Variants in DTX4 observed in about 807,000 individuals in gnomAD.
DTX4 encodes the protein deltex E3 ubiquitin ligase 4.
Under a neutral mutation model 57.6 loss-of-function variants are expected in DTX4, and 28 were observed. The ratio of observed to expected loss-of-function variants is 0.49; its 90% CI spans 0.36 to 0.67. DTX4 has a LOEUF of 0.67. DTX4 is among the 30% of genes least tolerant of loss of function. DTX4 has a pLI of 0.00. For missense variants in DTX4, 715 were observed against 836.8 expected, an observed-to-expected ratio of 0.85 and a Z score of 1.80; for synonymous variants, 316 against 331.0, an observed-to-expected ratio of 0.95 and a Z score of 0.49.
At chr11:59,178,991 T>A (rs528319374) in intron 1 of DTX4, among the ~76,000 whole-genome samples, 51 of 151,982 alleles carry the variant, frequency 3.4e-4, no homozygotes, top group Admixed American at 7.9e-4. Flanking sequence ...TGGCATAGTT[T>A]CCAGAAGTTC....
At chr11:59,189,447 TA>T (rs1324624896) in intron 4 of DTX4, 124 bp downstream of exon 4, 1 of 916,952 alleles carries the variant, frequency 1.1e-6, no homozygotes, top group Non-Finnish European at 1.6e-6. Flanking sequence ...TCTGCATCTG[TA>T]AGTGGGCCTA....
Position 59,181,837 on chromosome 11 carries a change from C to T in DTX4, c.310C>T (p.Pro104Ser), listed in dbSNP as rs1361413978. 1 of 1,613,952 alleles carries T rather than the reference C, an allele frequency of 6.2e-7. No homozygotes were observed. The highest frequency in any genetic ancestry group is 1.1e-5 in the South Asian group (1 of 91,072). The change falls in exon 2 of 9, where the codon CCC (proline) becomes TCC (serine). Residue 104 changes from proline (P) to serine (S), a missense_variant. Pro to Ser is a moderately conservative substitution (Grantham distance 74). Coordinates refer to ENST00000227451, the MANE Select transcript of DTX4 (RefSeq NM_015177.2). ...GGAGAACGACAATGGCTCCTGGACG[C>T]CCTACGACATGGAAGTGGGCATCAC... ...EWENDNGSWT[P>S]YDMEVGITIQ...
chr11:59,181,653 T>C (rs1862462818), intron 1 of DTX4, 86 bp from the exon 2 acceptor site: 2 of 1,511,152 alleles, frequency 1.3e-6, no homozygotes, highest in Non-Finnish European at 1.8e-6. Context: ...TGTTTGCCAT[T>C]ATGGCAATGG....
chr11:59,189,412 C>T (rs951573361), intron 4 of DTX4, 89 bp downstream of exon 4: 70 of 1,296,458 alleles, frequency 5.4e-5, no homozygotes, highest in Middle Eastern at 2.2e-4. Context: ...GTCATAGCCA[C>T]GGCTTCACCC....
chr11:59,205,712 G>A lies in DTX4; in HGVS notation c.*803G>A, dbSNP rs1346464148. ...CCACTGAGCATCTGAACTGTCCTCAGGGAGAGGAGCCCACAGCCTTCTTCC... is the reference window on the plus strand; with the variant it reads ...CCACTGAGCATCTGAACTGTCCTCAAGGAGAGGAGCCCACAGCCTTCTTCC... On this transcript the variant is annotated 3_prime_UTR_variant, in exon 9 of 9. Coordinates refer to ENST00000227451, the MANE Select transcript of DTX4 (RefSeq NM_015177.2). 1 of 152,754 alleles carries A rather than the reference G, an allele frequency of 6.5e-6. No homozygotes were observed. Among genetic ancestry groups the A allele is most frequent in the Non-Finnish European group, 1.5e-5 (1 of 68,116 alleles). 9.5% of individuals were successfully genotyped at this position (152,754 alleles called of 1,614,324 possible).
At position 59,207,921 on chromosome 11, in the gene DTX4, A is replaced by C. The variant is rs1040528477; in HGVS notation, c.*3012A>C. The C allele has an allele frequency of 6.6e-6, 1 of 152,070 alleles. No homozygotes were observed. Among genetic ancestry groups the C allele is most frequent in the Admixed American group, 6.6e-5 (1 of 15,224 alleles). 9.4% of individuals were successfully genotyped at this position (152,070 alleles called of 1,614,324 possible). A position where few individuals can be genotyped will look rare whatever the true frequency, so the allele number is the denominator to read the frequency against. On this transcript the variant is annotated 3_prime_UTR_variant, in exon 9 of 9. Transcript: ENST00000227451. Reference sequence around the variant, plus strand: ...TCAAAAGTACTCGTCTTGGTATTGCACTGTTGTGTGCATGAGAAAACTGGG... The same window carrying C: ...TCAAAAGTACTCGTCTTGGTATTGCCCTGTTGTGTGCATGAGAAAACTGGG...
In DTX4 at chr11:59,172,340, A is replaced by T. The variant is rs1301696587; in HGVS notation, c.-256A>T. 6.6e-6 allele frequency among the ~76,000 whole-genome samples: 1 copy of T among 151,622 alleles called. No homozygotes were observed. The highest frequency in any genetic ancestry group is 1.5e-5 in the Non-Finnish European group (1 of 67,788). The stretch of plus-strand genomic sequence containing the variant: ...TGCATGAAGCGACTCGACCCCACAG[A>T]GCAGCGGCAGCAGCAGCGGACCCCG... On this transcript the variant is annotated 5_prime_UTR_variant, in exon 1 of 9. Coordinates refer to ENST00000227451, the MANE Select transcript of DTX4 (RefSeq NM_015177.2).
Position 59,182,069 on chromosome 11 carries a change from C to A in DTX4, c.542C>A (p.Ala181Asp). The change falls in exon 2 of 9, where the codon GCC becomes GAC. Residue 181 changes from alanine to aspartate, a missense_variant. Physicochemically the swap from Ala to Asp is moderately radical, Grantham distance 126 (BLOSUM62 -2). Coordinates refer to ENST00000227451, the MANE Select transcript of DTX4 (RefSeq NM_015177.2). ...AQSWPVSPGP[A>D]TSPPMSPCSC... ...TCCTGGCCAGTCAGCCCTGGGCCAG[C>A]CACCTCGCCCCCCATGTCCCCCTGC... The A allele has an allele frequency of 6.2e-7, 1 of 1,612,150 alleles. No homozygotes were observed. Among genetic ancestry groups the A allele is most frequent in the Non-Finnish European group, 8.5e-7 (1 of 1,178,758 alleles).
Position 59,192,092 on chromosome 11 carries a change from C to T in DTX4, c.1222-6C>T. On this transcript the variant is annotated splice_polypyrimidine_tract_variant and splice_region_variant and intron_variant, in intron 5 of 8. Coordinates refer to ENST00000227451, the MANE Select transcript of DTX4 (RefSeq NM_015177.2). ...AGCCTCTCTGCTGTGTCTCCTCCCT[C>T]CCCAGGACTGCACCATCTGTATGGA... 1 of 1,611,642 alleles carries T rather than the reference C, an allele frequency of 6.2e-7. No homozygotes were observed. Among genetic ancestry groups the T allele is most frequent in the Non-Finnish European group, 8.5e-7 (1 of 1,178,778 alleles).
chr11:59,175,894 A>AT (rs143080310), intron 1 of DTX4, among the ~76,000 whole-genome samples: 3,143 of 137,920 alleles, frequency 0.023, 55 homozygotes, highest in African/African-American at 0.049. Flanking sequence ...GTCAGGCCTC[A>AT]TTTTTTTTTT....
At chr11:59,203,875 T>G (rs1862770063) in intron 8 of DTX4, among the ~76,000 whole-genome samples, 1 of 152,212 alleles carries the variant, frequency 6.6e-6, no homozygotes, top group African/African-American at 2.4e-5. Context: ...GCAGCTCATA[T>G]TTCTAATGTC....
Position 59,192,083 on chromosome 11 carries a change from C to T in DTX4, c.1222-15C>T, listed in dbSNP as rs767370285. The T allele has an allele frequency of 6.2e-7, 1 of 1,606,892 alleles. No individual in the cohort carries two copies. Among genetic ancestry groups the T allele is most frequent in the South Asian group, 1.1e-5 (1 of 90,922 alleles). On this transcript the variant is annotated splice_polypyrimidine_tract_variant and intron_variant, in intron 5 of 8. Coordinates refer to ENST00000227451, the MANE Select transcript of DTX4 (RefSeq NM_015177.2). ...AGAGCTGACAGCCTCTCTGCTGTGT[C>T]TCCTCCCTCCCCAGGACTGCACCAT...
chr11:59,199,819 G>C, intron 8 of DTX4, 46 bp downstream of exon 8: 1 of 1,508,314 alleles, frequency 6.6e-7, no homozygotes, highest in Admixed American at 2.0e-5. Context: ...AGAATAGATC[G>C]GGCAGTTTAC....
chr11:59,190,628 C>A (rs1038579344), intron 4 of DTX4, among the ~76,000 whole-genome samples: 3 of 152,192 alleles, frequency 2.0e-5, no homozygotes, highest in African/African-American at 7.2e-5. Context: ...GTGCCATCCA[C>A]AGCCAGGAAA....
intron 7 of DTX4, among the ~76,000 whole-genome samples, chr11:59,199,257 G>A (rs961201385): frequency 6.6e-6 from 1 of 152,190 alleles, no homozygotes; most frequent in Non-Finnish European, 1.5e-5. Context: ...TATTACAGAA[G>A]CCACATATCT....
chr11:59,172,020 A>G (rs1862329867), upstream of DTX4, among the ~76,000 whole-genome samples: 1 of 145,782 alleles, frequency 6.9e-6, no homozygotes, highest in Non-Finnish European at 1.5e-5. Context: ...TCATTCTGGA[A>G]GGAACTGAGC....
In DTX4 at chr11:59,195,361, G is replaced by A. The variant is rs1250004314; in HGVS notation, c.1528G>A (p.Gly510Ser). 8 of 1,603,010 alleles carry A rather than the reference G, an allele frequency of 5.0e-6. No individual in the cohort carries two copies. The East Asian group carries it at 6.7e-5, about 14-fold the overall frequency. Residue 510 changes from glycine to serine, a missense_variant, in exon 7 of 9, where the codon GGC (glycine) becomes AGC (serine). Gly to Ser is a moderately conservative substitution (Grantham distance 56). Transcript: ENST00000227451. ...TIRIIYSIPPGIQGPEHPNPG... is the reference protein window; with the variant it reads ...TIRIIYSIPPSIQGPEHPNPG... The stretch of plus-strand genomic sequence containing the variant: ...CCGGATCATCTACAGCATCCCCCCC[G>A]GCATTCAGGTGAGCCTTTCTCTCAG...
intron 7 of DTX4, 77 bp downstream of exon 7, chr11:59,195,446 A>G: frequency 6.8e-7 from 1 of 1,471,806 alleles, no homozygotes; most frequent in Non-Finnish European, 9.1e-7. Context: ...GTAAAAAGTT[A>G]CATATGAAGA....
intron 5 of DTX4, among the ~76,000 whole-genome samples, chr11:59,191,852 G>A (rs1862603088): frequency 6.6e-6 from 1 of 152,208 alleles, no homozygotes; most frequent in Non-Finnish European, 1.5e-5. Flanking sequence ...ACAGTGCATT[G>A]TTATAGCCCT....
Sources: gnomAD v4.1 joint callset for allele counts (sites outside exome capture counted in the v4.1 genomes callset) on GRCh38, gnomAD v4.1.1 for gene constraint, MANE v1.5 for transcripts, NCBI Gene and HGNC (gene_info 2026-07-23, HGNC 2026-07-21) for gene names.